PCDHAC2: variants seen among roughly 807,000 people sequenced by gnomAD.
The protein encoded by PCDHAC2 is protocadherin alpha subfamily C, 2.
Under a neutral mutation model 63.3 loss-of-function variants are expected in PCDHAC2, and 24 were observed. The observed-to-expected ratio is 0.38, with a 90% CI of 0.27 to 0.53. The LOEUF (loss-of-function observed/expected upper bound fraction) is 0.53, where lower values mean the gene tolerates loss of function less well. Among genes scored for constraint, PCDHAC2 ranks in the 20% least tolerant of loss-of-function variants. The pLI is 0.81. For synonymous variants in PCDHAC2, 569 were observed against 529.4 expected (o/e 1.07, Z -1.03); for missense variants, 1,181 against 1,275.2 (o/e 0.93, Z 1.12).
At chr5:140,992,925 C>G (rs548869982) in intron 3 of PCDHAC2, among the ~76,000 whole-genome samples, 1 of 152,312 alleles carries the variant, frequency 6.6e-6, no homozygotes, top group South Asian at 2.1e-4. Flanking sequence ...TCCATACTTA[C>G]AGCAGCTCTG....
intron 1 of PCDHAC2, among the ~76,000 whole-genome samples, chr5:140,974,111 T>C (rs1475006775): frequency 2.0e-5 from 3 of 152,280 alleles, no homozygotes; most frequent in Non-Finnish European, 4.4e-5. Flanking sequence ...AAGTATTCTT[T>C]TGCAGTGTTT....
chr5:140,967,284 A>C lies in PCDHAC2; in HGVS notation c.518A>C (p.Gln173Pro). ...GCGCGCTTTCACATAGAGAGTGCGC[A>C]GGACCCCGACGTGGGCGCCAACTCA... ...PGARFHIESA[Q>P]DPDVGANSVQ... is the part of the protein sequence containing the mutation. Residue 173 changes from glutamine to proline, a missense_variant, in exon 1 of 4, where the codon CAG (glutamine) becomes CCG (proline). Coordinates refer to ENST00000289269, the MANE Select transcript of PCDHAC2 (RefSeq NM_018899.6). 1 of 1,613,190 alleles carries C rather than the reference A, an allele frequency of 6.2e-7. No individual in the cohort carries two copies.
intron 1 of PCDHAC2, among the ~76,000 whole-genome samples, chr5:140,973,570 T>C (rs1211629419): frequency 6.6e-6 from 1 of 152,232 alleles, no homozygotes; most frequent in Non-Finnish European, 1.5e-5. Flanking sequence ...CCTCAATTTT[T>C]CTACAGACTG....
intron 3 of PCDHAC2, among the ~76,000 whole-genome samples, chr5:141,000,389 CTCTCTCTATATA>C (rs1270729414): frequency 5.3e-4 from 33 of 62,572 alleles, no homozygotes; most frequent in African/African-American, 2.0e-3. Context: ...CTCTCTCTCT[CTCTCTCTATATA>C]TATATATATA....
intron 2 of PCDHAC2, among the ~76,000 whole-genome samples, chr5:140,981,879 A>G (rs1472110145): frequency 3.9e-5 from 6 of 152,158 alleles, no homozygotes; most frequent in Non-Finnish European, 7.3e-5. Context: ...TGCTGAATTA[A>G]TCTCTTCTGA....
At chr5:140,995,082 C>G (rs145784301) in intron 3 of PCDHAC2, among the ~76,000 whole-genome samples, 5 of 152,334 alleles carry the variant, frequency 3.3e-5, no homozygotes, top group Admixed American at 3.3e-4. Context: ...GCAATCCAAA[C>G]TTATCTGTGG....
At chr5:140,974,910 C>T (rs1054560750) in intron 1 of PCDHAC2, among the ~76,000 whole-genome samples, 1 of 152,114 alleles carries the variant, frequency 6.6e-6, no homozygotes, top group Admixed American at 6.5e-5. Flanking sequence ...AACAAATTAC[C>T]ACAAGTAAGT....
In PCDHAC2 at chr5:140,982,542, A is replaced by T; in HGVS notation, c.2692A>T (p.Thr898Ser). 6.2e-7 allele frequency: 1 copy of T among 1,614,210 alleles called. No individual in the cohort carries two copies. Among genetic ancestry groups the T allele is most frequent in the Non-Finnish European group, 8.5e-7 (1 of 1,180,042 alleles). The change falls in exon 3 of 4, where the codon ACA becomes TCA. Residue 898 changes from threonine (T) to serine (S), a missense_variant. This residue lies in a region of PCDHAC2 where 968 missense variants were observed against 1,073.5 expected (regional missense o/e 0.90). Transcript: ENST00000289269. ...AGGAGGGCCTGATCAGCAGTGGCCA[A>T]CAGTATCCAGTGCAACACCAGGTAA... is the stretch of plus-strand genomic sequence containing the variant. The part of the protein sequence containing the change: ...GPGGPDQQWP[T>S]VSSATPEPEA...
chr5:140,991,879 G>A (rs1464021872), intron 3 of PCDHAC2, among the ~76,000 whole-genome samples: 1 of 152,174 alleles, frequency 6.6e-6, no homozygotes, highest in Non-Finnish European at 1.5e-5. Flanking sequence ...TCCTAGGGCT[G>A]CCATAACAAA....
At chr5:140,985,459 C>A (rs1587084925) in intron 3 of PCDHAC2, among the ~76,000 whole-genome samples, 1 of 152,236 alleles carries the variant, frequency 6.6e-6, no homozygotes, top group East Asian at 1.9e-4. Flanking sequence ...GGGAAATGCT[C>A]CAAAAAATTT....
intron 3 of PCDHAC2, among the ~76,000 whole-genome samples, chr5:140,987,826 G>T (rs1481540038): frequency 6.6e-6 from 1 of 152,014 alleles, no homozygotes; most frequent in Non-Finnish European, 1.5e-5. Flanking sequence ...TTTCCTTAGG[G>T]GATTGCTTTT....
chr5:140,988,299 G>A (rs2097291981), intron 3 of PCDHAC2, among the ~76,000 whole-genome samples: 2 of 152,218 alleles, frequency 1.3e-5, no homozygotes, highest in Non-Finnish European at 2.9e-5. Context: ...GCCCAGGAGT[G>A]CCAGCTTGGC....
chr5:140,967,032 A>T lies in PCDHAC2; in HGVS notation c.266A>T (p.Tyr89Phe). Residue 89 changes from tyrosine (Y) to phenylalanine (F), a missense_variant, in exon 1 of 4, where the codon TAC (tyrosine) becomes TTC (phenylalanine). Tyr to Phe is a conservative substitution (Grantham distance 22, BLOSUM62 3). Transcript: ENST00000289269. ...INHLGAPSPR[Y>F]LELDLTSGAL... ...CATCTGGGTGCGCCCAGTCCGCGCT[A>T]CCTGGAGCTGGACCTGACGAGTGGA... 1 of 1,610,180 alleles carries T rather than the reference A, an allele frequency of 6.2e-7. No homozygotes were observed. The highest frequency in any genetic ancestry group is 8.5e-7 in the Non-Finnish European group (1 of 1,178,640).
intron 3 of PCDHAC2, among the ~76,000 whole-genome samples, chr5:140,989,538 T>TAAA (rs2097347158): frequency 6.6e-6 from 1 of 152,180 alleles, no homozygotes; most frequent in Non-Finnish European, 1.5e-5. Flanking sequence ...GAAGATAGTT[T>TAAA]GTAATTCCTT....
At chr5:141,006,774 A>G (rs1435816376) in intron 3 of PCDHAC2, among the ~76,000 whole-genome samples, 8 of 152,172 alleles carry the variant, frequency 5.3e-5, no homozygotes, top group Admixed American at 3.3e-4. Flanking sequence ...AGAATAGAGA[A>G]AAATGAATAA....
At chr5:140,985,739 CTTT>C (rs11372071) in intron 3 of PCDHAC2, among the ~76,000 whole-genome samples, 5 of 117,900 alleles carry the variant, frequency 4.2e-5, no homozygotes, top group Non-Finnish European at 1.7e-5. Context: ...TGATGAATTC[CTTT>C]TTTTTTTTTT....
intron 3 of PCDHAC2, among the ~76,000 whole-genome samples, chr5:141,005,814 A>T (rs947359019): frequency 6.7e-6 from 1 of 149,766 alleles, no homozygotes; most frequent in Non-Finnish European, 1.5e-5. Flanking sequence ...GGAGCCAGGT[A>T]TGGTGGCCTG....
Position 140,968,990 on chromosome 5 carries a change from T to C in PCDHAC2, c.2224T>C (p.Cys742Arg). Residue 742 changes from cysteine to arginine, a missense_variant, in exon 1 of 4, where the codon TGT (cysteine) becomes CGT (arginine). By Grantham distance (180) the Cys-to-Arg change is radical. Coordinates refer to ENST00000289269, the MANE Select transcript of PCDHAC2 (RefSeq NM_018899.6). The part of the protein sequence containing the change: ...YRYTAYGTAC[C>R]GGFCGVRERS... ...CTACACTGCGTATGGCACTGCATGCTGTGGAGGCTTCTGTGGAGTAAGGGA... is the reference window on the plus strand; with the variant it reads ...CTACACTGCGTATGGCACTGCATGCCGTGGAGGCTTCTGTGGAGTAAGGGA... 6.2e-7 allele frequency: 1 copy of C among 1,614,254 alleles called. No individual in the cohort carries two copies. Among genetic ancestry groups the C allele is most frequent in the Non-Finnish European group, 8.5e-7 (1 of 1,180,044 alleles).
At chr5:141,000,421 A>ATATTTTTTTTTTT (rs1265241806) in intron 3 of PCDHAC2, among the ~76,000 whole-genome samples, 1 of 27,968 alleles carries the variant, frequency 3.6e-5, no homozygotes, top group African/African-American at 1.8e-4. Flanking sequence ...ATATATATAT[A>ATATTTTTTTTTTT]TTTTTTTTTT....
Sources: allele counts gnomAD v4.1 joint callset (sites outside exome capture counted in the v4.1 genomes callset), GRCh38; gene constraint gnomAD v4.1.1; regional missense constraint gnomAD v4.1.1; transcripts MANE v1.5; gene names NCBI Gene and HGNC (gene_info 2026-07-23, HGNC 2026-07-21).